Variants in MAGI2 observed in about 807,000 individuals in gnomAD.
MAGI2 encodes membrane associated guanylate kinase, WW and PDZ domain containing 2.
In MAGI2, 35 loss-of-function variants were observed where a neutral mutation model predicts 133.3. The ratio of observed to expected loss-of-function variants is 0.26; its 90% CI spans 0.20 to 0.35. The LOEUF is 0.35. Ranked by LOEUF, MAGI2 falls within the 10% of genes least tolerant of loss-of-function variation. The pLI is 1.00. For missense variants in MAGI2, 1,636 were observed against 1,863.4 expected (o/e 0.88, Z 2.25); for synonymous variants, 729 against 710.6 (o/e 1.03, Z -0.41).
intron 1 of MAGI2, among the ~76,000 whole-genome samples, chr7:79,363,250 G>T (rs1051491753): frequency 9.3e-5 from 14 of 150,602 alleles, no homozygotes; most frequent in Non-Finnish European, 2.1e-4. Context: ...TATGCTGAAA[G>T]CTTCGTAATG....
intron 1 of MAGI2, among the ~76,000 whole-genome samples, chr7:79,166,561 A>G (rs1410992591): frequency 9.2e-5 from 14 of 152,102 alleles, no homozygotes. Flanking sequence ...GTAAATTTAT[A>G]TTGTCTTAAT....
intron 6 of MAGI2, among the ~76,000 whole-genome samples, chr7:78,398,643 A>G (rs930445933): frequency 6.6e-6 from 1 of 151,850 alleles, no homozygotes; most frequent in African/African-American, 2.4e-5. Flanking sequence ...CAGACTTGGG[A>G]TCCATCTTTC....
At chr7:79,136,107 AAG>A (rs1327404937) in intron 1 of MAGI2, among the ~76,000 whole-genome samples, 2 of 151,144 alleles carry the variant, frequency 1.3e-5, no homozygotes, top group African/African-American at 2.4e-5. Flanking sequence ...GAAAGAAAGA[AAG>A]AAAGAAAGAA....
chr7:79,247,728 G>C (rs1832924993), intron 1 of MAGI2, among the ~76,000 whole-genome samples: 3 of 152,156 alleles, frequency 2.0e-5, no homozygotes, highest in South Asian at 2.1e-4. Flanking sequence ...GAAAGTTACA[G>C]TGTACAGTTT....
intron 1 of MAGI2, among the ~76,000 whole-genome samples, chr7:79,268,058 G>A (rs1471960500): frequency 1.3e-5 from 2 of 152,162 alleles, no homozygotes; most frequent in Admixed American, 6.6e-5. Context: ...GGAGACTGAA[G>A]GCCATTGTGC....
chr7:79,385,200 G>A (rs573327783), intron 1 of MAGI2, among the ~76,000 whole-genome samples: 69 of 151,808 alleles, frequency 4.5e-4, no homozygotes, highest in African/African-American at 1.4e-3. Flanking sequence ...ACTAGAAGGC[G>A]GTAAGGTGAT....
chr7:78,166,235 A>G (rs1223960509), intron 15 of MAGI2, among the ~76,000 whole-genome samples: 1 of 152,242 alleles, frequency 6.6e-6, no homozygotes, highest in East Asian at 1.9e-4. Flanking sequence ...TCAGCTGGTG[A>G]CAAGGGGAGC....
At chr7:78,888,440 G>A (rs1193812311) in intron 2 of MAGI2, among the ~76,000 whole-genome samples, 1 of 152,198 alleles carries the variant, frequency 6.6e-6, no homozygotes, top group African/African-American at 2.4e-5. Context: ...CCTCAAGTGG[G>A]TCCCTGACCC....
At chr7:78,353,739 G>A (rs1791764864) in intron 7 of MAGI2, among the ~76,000 whole-genome samples, 1 of 152,142 alleles carries the variant, frequency 6.6e-6, no homozygotes, top group African/African-American at 2.4e-5. Flanking sequence ...AGATATAGAG[G>A]TGCTCAATAA....
intron 9 of MAGI2, among the ~76,000 whole-genome samples, chr7:78,308,098 C>T (rs1033652751): frequency 1.3e-5 from 2 of 152,226 alleles, no homozygotes; most frequent in African/African-American, 4.8e-5. Context: ...TTCTAATACT[C>T]AGCATTTTCC....
At chr7:78,764,014 A>G (rs1824769300) in intron 2 of MAGI2, among the ~76,000 whole-genome samples, 2 of 152,338 alleles carry the variant, frequency 1.3e-5, no homozygotes, top group African/African-American at 2.4e-5. Context: ...TACTAAGGAC[A>G]TACTTTAAAA....
At chr7:78,117,326 C>T (rs1034938832) in intron 20 of MAGI2, among the ~76,000 whole-genome samples, 1 of 151,780 alleles carries the variant, frequency 6.6e-6, no homozygotes, top group Admixed American at 6.6e-5. Context: ...AAAAATGATA[C>T]ATCATGAATA....
intron 2 of MAGI2, among the ~76,000 whole-genome samples, chr7:78,866,168 T>C (rs1252006872): frequency 6.6e-6 from 1 of 152,198 alleles, no homozygotes; most frequent in Non-Finnish European, 1.5e-5. Context: ...GCAATCCACT[T>C]TTCCCTGCTT....
At chr7:78,889,635 A>G (rs979357253) in intron 2 of MAGI2, among the ~76,000 whole-genome samples, 2 of 152,198 alleles carry the variant, frequency 1.3e-5, no homozygotes, top group African/African-American at 4.8e-5. Context: ...AGTAAGCTTC[A>G]TAAGTGAAGG....
At chr7:79,083,216 T>C (rs945071318) in intron 1 of MAGI2, among the ~76,000 whole-genome samples, 5 of 151,560 alleles carry the variant, frequency 3.3e-5, no homozygotes, top group African/African-American at 1.2e-4. Context: ...CAGTATAATG[T>C]AAAATAGAAG....
intron 1 of MAGI2, among the ~76,000 whole-genome samples, chr7:79,227,477 T>A (rs1014708408): frequency 6.6e-6 from 1 of 152,226 alleles, no homozygotes; most frequent in Non-Finnish European, 1.5e-5. Flanking sequence ...AAATTTGCTA[T>A]ATAGTTAACA....
At chr7:79,282,093 G>C (rs1360583481) in intron 1 of MAGI2, among the ~76,000 whole-genome samples, 1 of 152,118 alleles carries the variant, frequency 6.6e-6, no homozygotes, top group Non-Finnish European at 1.5e-5. Context: ...ACTAATAACA[G>C]CTCTAGAGAT....
Position 78,066,084 on chromosome 7 carries a change from C to T in MAGI2, c.3706+12863G>A, listed in dbSNP as rs374121250. Among the ~76,000 whole-genome samples, 109 of 152,188 alleles carry T rather than the reference C, an allele frequency of 7.2e-4. 1 individual carries two copies. In the East Asian group the frequency reaches 0.016, roughly 22 times the overall value. ...TTTAAAAGGATTATAAAAATAAATA[C>T]GTAGTGTCCCCATGTTTATATTTTC... On this transcript the variant is annotated intron_variant, in intron 21 of 21. Transcript: ENST00000354212.
At chr7:78,138,969 G>T (rs1822464146) in intron 16 of MAGI2, among the ~76,000 whole-genome samples, 1 of 152,158 alleles carries the variant, frequency 6.6e-6, no homozygotes. Flanking sequence ...AAAGCTTGCT[G>T]GTTGAGACTT....
Sources: gnomAD v4.1 joint callset for allele counts (sites outside exome capture counted in the v4.1 genomes callset) on GRCh38, gnomAD v4.1.1 for gene constraint, MANE v1.5 for transcripts, NCBI Gene and HGNC (gene_info 2026-07-23, HGNC 2026-07-21) for gene names.